Variants in USH2A observed in about 807,000 individuals in gnomAD.
USH2A encodes usherin.
A neutral mutation model predicts 538.9 loss-of-function variants in USH2A; 443 were observed. That is an observed-to-expected ratio of 0.82 (90% CI 0.76 to 0.89). The LOEUF is 0.89. Ranked by LOEUF, USH2A falls within the 40% of genes least tolerant of loss-of-function variation. USH2A has a pLI of 0.00. For synonymous variants in USH2A, 2,413 were observed against 2,273.5 expected, an observed-to-expected ratio of 1.06 and a Z score of -1.75; for missense variants, 6,633 against 6,324.8, an observed-to-expected ratio of 1.05 and a Z score of -1.65.
At chr1:216,109,898 T>C (rs2032825287) in intron 21 of USH2A, among the ~76,000 whole-genome samples, 1 of 152,240 alleles carries the variant, frequency 6.6e-6, no homozygotes, top group South Asian at 2.1e-4. Context: ...TGTATTTATC[T>C]ACATATTTGT....
rs763510642 is a variant in USH2A at position 216,232,076 on chromosome 1, C to G, written c.2870G>C (p.Gly957Ala). 1.2e-6 allele frequency: 2 copies of G among 1,614,026 alleles called. No individual in the cohort carries two copies. The highest frequency in any genetic ancestry group is 2.2e-5 in the South Asian group (2 of 91,070). Reference protein sequence around the residue: ...GCLPCSCHTTGAVNHICNSLT... With the variant: ...GCLPCSCHTTAAVNHICNSLT... ...GCTATTACAGATGTGATTAACTGCA[C>G]CAGTTGTATGGCATGAGCATGGCAG... The change falls in exon 14 of 72, where the codon GGT becomes GCT. Residue 957 changes from glycine (G) to alanine (A), a missense_variant. Coordinates refer to ENST00000307340, the MANE Select transcript of USH2A (RefSeq NM_206933.4).
intron 44 of USH2A, among the ~76,000 whole-genome samples, chr1:215,857,889 G>C (rs1221854212): frequency 6.6e-6 from 1 of 152,114 alleles, no homozygotes; most frequent in Admixed American, 6.5e-5. Flanking sequence ...TAGCCAGGGA[G>C]GGGTGTCTGA....
intron 61 of USH2A, among the ~76,000 whole-genome samples, chr1:215,725,964 G>T (rs1271374121): frequency 1.3e-5 from 2 of 152,154 alleles, no homozygotes; most frequent in South Asian, 2.1e-4. Flanking sequence ...GACTTACAGG[G>T]TTATTCCACA....
intron 21 of USH2A, among the ~76,000 whole-genome samples, chr1:216,117,841 T>TAC (rs1160066510): frequency 7.7e-6 from 1 of 129,746 alleles, no homozygotes; most frequent in South Asian, 2.9e-4. Context: ...GATATATATA[T>TAC]ACACACACAG....
intron 37 of USH2A, among the ~76,000 whole-genome samples, chr1:215,940,723 C>A (rs1666611303): frequency 6.6e-6 from 1 of 152,108 alleles, no homozygotes; most frequent in Non-Finnish European, 1.5e-5. Flanking sequence ...ATTAATGCAT[C>A]ATATTTCTTA....
chr1:216,013,509 C>T (rs553065655), intron 32 of USH2A, among the ~76,000 whole-genome samples: 6 of 152,236 alleles, frequency 3.9e-5, no homozygotes, highest in Non-Finnish European at 5.9e-5. Context: ...GTGACCTGCA[C>T]GTACACATCC....
At chr1:215,784,910 G>C (rs1027266686) in intron 52 of USH2A, among the ~76,000 whole-genome samples, 10 of 152,128 alleles carry the variant, frequency 6.6e-5, no homozygotes, top group Admixed American at 6.6e-4. Context: ...TCTTGATCTT[G>C]ATTACAAGGG....
chr1:216,069,427 T>C (rs543288425), intron 30 of USH2A, among the ~76,000 whole-genome samples: 1 of 152,132 alleles, frequency 6.6e-6, no homozygotes, highest in Admixed American at 6.6e-5. Context: ...AGGAAAATGT[T>C]TTTTTTCTGT....
At chr1:216,224,430 C>T (rs1297645849) in intron 14 of USH2A, among the ~76,000 whole-genome samples, 4 of 151,960 alleles carry the variant, frequency 2.6e-5, no homozygotes, top group Non-Finnish European at 5.9e-5. Flanking sequence ...TCATTGTTTT[C>T]GATACTGATT....
At chr1:216,382,252 T>C (rs1057074596) in intron 3 of USH2A, among the ~76,000 whole-genome samples, 4 of 152,186 alleles carry the variant, frequency 2.6e-5, no homozygotes, top group African/African-American at 9.7e-5. Flanking sequence ...GATGAGTGCA[T>C]GTCTACTCAG....
intron 62 of USH2A, among the ~76,000 whole-genome samples, chr1:215,677,642 C>T (rs1658078410): frequency 6.6e-6 from 1 of 152,160 alleles, no homozygotes; most frequent in African/African-American, 2.4e-5. Context: ...CATATTTTCT[C>T]TTCTCTTTTT....
intron 48 of USH2A, among the ~76,000 whole-genome samples, chr1:215,814,798 G>A (rs1454616166): frequency 6.6e-6 from 1 of 152,104 alleles, no homozygotes; most frequent in Non-Finnish European, 1.5e-5. Flanking sequence ...CTGTGAAAAC[G>A]AACTAAGACA....
chr1:215,743,197 C>T lies in USH2A; in HGVS notation c.11528G>A (p.Arg3843Lys). Reference protein sequence around the residue: ...NLTPFTQYEIRIQACQNGSCG... With the variant: ...NLTPFTQYEIKIQACQNGSCG... ...TTCACCATTTTGACATGCTTGTATC[C>T]TTATCTCATACTGTGTGAATGGAGT... is the stretch of plus-strand genomic sequence containing the variant. The change falls in exon 59 of 72, where the codon AGG becomes AAG. Residue 3843 changes from arginine (R) to lysine (K), a missense_variant. Physicochemically the swap from Arg to Lys is conservative, Grantham distance 26. Transcript: ENST00000307340. The T allele has an allele frequency of 6.2e-7, 1 of 1,611,104 alleles. No individual in the cohort carries two copies. The highest frequency in any genetic ancestry group is 8.5e-7 in the Non-Finnish European group (1 of 1,178,560).
chr1:216,338,262 C>T (rs755343017), intron 4 of USH2A, among the ~76,000 whole-genome samples: 14 of 151,314 alleles, frequency 9.3e-5, no homozygotes, highest in Non-Finnish European at 8.9e-5. Flanking sequence ...TAGCTTTTGG[C>T]AAGAAGTTAA....
At chr1:215,984,811 T>C (rs560105172) in intron 35 of USH2A, among the ~76,000 whole-genome samples, 43 of 152,204 alleles carry the variant, frequency 2.8e-4, no homozygotes, top group Non-Finnish European at 1.0e-4. Context: ...CAGTGCAGCA[T>C]GGCAATAGGA....
Position 216,086,755 on chromosome 1 carries a change from G to T in USH2A, c.4951C>A (p.Leu1651Ile), listed in dbSNP as rs780189898. 6.2e-7 allele frequency: 1 copy of T among 1,612,952 alleles called. No homozygotes were observed. Among genetic ancestry groups the T allele is most frequent in the Non-Finnish European group, 8.5e-7 (1 of 1,179,354 alleles). Reference sequence around the variant, plus strand: ...CTGAGGATGGTATAACTTCGCGGGAGCCCTCCCAGAAAGACTCCTGTGTTA... The same window carrying T: ...CTGAGGATGGTATAACTTCGCGGGATCCCTCCCAGAAAGACTCCTGTGTTA... ...GDNTGVFLGG[L>I]PRSYTILRKD... The change falls in exon 24 of 72, where the codon CTC becomes ATC. Residue 1651 changes from leucine (L) to isoleucine (I), a missense_variant. Coordinates refer to ENST00000307340, the MANE Select transcript of USH2A (RefSeq NM_206933.4).
At position 216,174,029 on chromosome 1, in the gene USH2A, G is replaced by C. The variant is rs549050593; in HGVS notation, c.4627+1223C>G. 55 of 984,774 alleles carry C rather than the reference G, an allele frequency of 5.6e-5. No individual in the cohort carries two copies. In the African/African-American group the frequency reaches 7.9e-4, roughly 14 times the overall value. The allele number at this position is 984,774 out of a possible 1,614,324, so 61.0% of individuals were successfully genotyped here. On this transcript the variant is annotated intron_variant, in intron 21 of 71. Transcript: ENST00000307340. Reference sequence around the variant, plus strand: ...ATTTCTAATACTCTGCAATGATTTTGATGTACTGAGAGAGTAGTTAATCAT... The same window carrying C: ...ATTTCTAATACTCTGCAATGATTTTCATGTACTGAGAGAGTAGTTAATCAT...
chr1:216,255,807 A>G (rs1200364167), intron 11 of USH2A, among the ~76,000 whole-genome samples: 1 of 152,020 alleles, frequency 6.6e-6, no homozygotes, highest in Non-Finnish European at 1.5e-5. Context: ...TGTTCTATTA[A>G]TTATTGAGAG....
chr1:215,626,902 A>T (rs899561007), intron 71 of USH2A, among the ~76,000 whole-genome samples: 1 of 152,174 alleles, frequency 6.6e-6, no homozygotes, highest in Non-Finnish European at 1.5e-5. Flanking sequence ...ATGTATAGCA[A>T]TTGCTGTTTT....
Sources: gnomAD v4.1 joint callset for allele counts (sites outside exome capture counted in the v4.1 genomes callset) on GRCh38, gnomAD v4.1.1 for gene constraint, MANE v1.5 for transcripts, NCBI Gene and HGNC (gene_info 2026-07-23, HGNC 2026-07-21) for gene names.